The following FGL1 variants were observed in gnomAD, a reference collection of about 807,000 sequenced individuals.
The protein encoded by FGL1 is fibrinogen-like protein 1.
A neutral mutation model predicts 43.7 loss-of-function variants in FGL1; 59 were observed. The observed-to-expected ratio is 1.35, with a 90% CI of 1.10 to 1.68. The LOEUF (loss-of-function observed/expected upper bound fraction) is 1.68, where lower values mean the gene tolerates loss of function less well. Ranked by LOEUF, FGL1 falls within the 40% of genes most tolerant of loss-of-function variation. FGL1 has a pLI of 0.00. For synonymous variants in FGL1, 192 were observed against 126.5 expected (o/e 1.52, Z -3.48); for missense variants, 596 against 373.0 (o/e 1.60, Z -4.92).
At chr8:17,891,882 G>C in intron 1 of FGL1, 2 of 683,052 alleles carry the variant, frequency 2.9e-6, no homozygotes, top group Non-Finnish European at 3.6e-6. Flanking sequence ...TTGCAAATAT[G>C]TCATGTCAAT....
intron 1 of FGL1, among the ~76,000 whole-genome samples, chr8:17,893,728 T>G (rs2053739066): frequency 6.8e-6 from 1 of 147,046 alleles, no homozygotes; most frequent in South Asian, 2.1e-4. Context: ...TTTTCCTCCT[T>G]TGCAATTCTA....
rs145238244 is a variant in FGL1, at chr8:17,882,103, T to A, written c.140A>T (p.Gln47Leu). The change falls in exon 3 of 8, where the codon CAA becomes CTA. Residue 47 changes from glutamine to leucine, a missense_variant. Coordinates refer to ENST00000427924, the MANE Select transcript of FGL1 (RefSeq NM_004467.4). The stretch of plus-strand genomic sequence containing the variant: ...CAAAAGCTGCTTGATCTTGACCTGT[T>A]GCTGTTTGACCCGGGTCTCAAGCAG... Reference protein sequence around the residue: ...VRLLETRVKQQQVKIKQLLQE... With the variant: ...VRLLETRVKQLQVKIKQLLQE... 3.7e-6 allele frequency: 6 copies of A among 1,613,952 alleles called. No homozygotes were observed. Among genetic ancestry groups the A allele is most frequent in the Non-Finnish European group, 5.1e-6 (6 of 1,180,002 alleles).
At position 17,874,419 on chromosome 8, in the gene FGL1, T is replaced by A. The variant is rs753111282; in HGVS notation, c.347A>T (p.Asp116Val). The stretch of plus-strand genomic sequence containing the variant: ...CTGAATTACAGTCCATCCTCCTCCA[T>A]CGGACATGTCACAATAAACAGAAAA... ...AEFSVYCDMS[D>V]GGGWTVIQRR... The change falls in exon 4 of 8, where the codon GAT (aspartate) becomes GTT (valine). Residue 116 changes from aspartate to valine, a missense_variant. Coordinates refer to ENST00000427924, the MANE Select transcript of FGL1 (RefSeq NM_004467.4). 1 of 1,614,132 alleles carries A rather than the reference T, an allele frequency of 6.2e-7. No individual in the cohort carries two copies. The highest frequency in any genetic ancestry group is 8.5e-7 in the Non-Finnish European group (1 of 1,179,986).
At position 17,864,680 on chromosome 8, in the gene FGL1, A is replaced by C; in HGVS notation, c.851T>G (p.Val284Gly). 6.2e-7 allele frequency: 1 copy of C among 1,613,734 alleles called. No individual in the cohort carries two copies. Among genetic ancestry groups the C allele is most frequent in the Non-Finnish European group, 8.5e-7 (1 of 1,179,920 alleles). ...PYTAKTDNGI[V>G]WYTWHGWWYS... ...CCACCACCCATGCCAGGTGTACCAG[A>C]CAATCCCATTGTCTGTTTTAGCCGT... is the stretch of plus-strand genomic sequence containing the variant. The change falls in exon 8 of 8, where the codon GTC becomes GGC. Residue 284 changes from valine to glycine, a missense_variant. Val to Gly is a moderately radical substitution (Grantham distance 109). Coordinates refer to ENST00000427924, the MANE Select transcript of FGL1 (RefSeq NM_004467.4).
chr8:17,894,317 C>T (rs117062312), intron 1 of FGL1, among the ~76,000 whole-genome samples: 3,242 of 147,002 alleles, frequency 0.022, 197 homozygotes, highest in South Asian at 0.045. Context: ...GACTATAATG[C>T]TTAGGACTAT....
chr8:17,883,210 T>C (rs1391352025), intron 2 of FGL1, among the ~76,000 whole-genome samples: 1 of 39,076 alleles, frequency 2.6e-5, no homozygotes, highest in Non-Finnish European at 4.3e-5. Context: ...TTAAATAATA[T>C]ATAATATATA....
chr8:17,885,648 TC>T, intron 1 of FGL1, 77 bp from the exon 2 acceptor site: 2 of 1,244,444 alleles, frequency 1.6e-6, no homozygotes, highest in Admixed American at 4.0e-5. Context: ...CTTCAGTAGC[TC>T]CAGGAAGTCG....
intron 5 of FGL1, among the ~76,000 whole-genome samples, chr8:17,869,877 A>T (rs1439394848): frequency 1.3e-5 from 2 of 152,170 alleles, no homozygotes; most frequent in Non-Finnish European, 2.9e-5. Flanking sequence ...TGGGAGGCCG[A>T]GGCGGGCGGA....
At position 17,874,503 on chromosome 8, in the gene FGL1, T is replaced by C. The variant is rs759685653; in HGVS notation, c.263A>G (p.Asn88Ser). The change falls in exon 4 of 8, where the codon AAT becomes AGT. Residue 88 changes from asparagine to serine, a missense_variant. Asn to Ser is a conservative substitution (Grantham distance 46). Transcript: ENST00000427924. ...AAATCCACTGAGCTTATACCCATCA[T>C]TGAAAATCTCTGAACAATCTGTTTT... ...RQYADCSEIFNDGYKLSGFYK... is the reference protein window; with the variant it reads ...RQYADCSEIFSDGYKLSGFYK... The C allele has an allele frequency of 1.2e-6, 2 of 1,607,110 alleles. No individual in the cohort carries two copies. Among genetic ancestry groups the C allele is most frequent in the African/African-American group, 1.3e-5 (1 of 74,630 alleles).
At chr8:17,872,738 A>G (rs2053382951) in intron 5 of FGL1, among the ~76,000 whole-genome samples, 1 of 152,216 alleles carries the variant, frequency 6.6e-6, no homozygotes. Flanking sequence ...AGGGAAGACA[A>G]TGGATTGGAG....
chr8:17,873,083 A>G (rs1490617965), intron 5 of FGL1, among the ~76,000 whole-genome samples: 1 of 152,170 alleles, frequency 6.6e-6, no homozygotes, highest in South Asian at 2.1e-4. Context: ...TTCATATATT[A>G]TAGTGTTTTA....
At chr8:17,864,772 AAAG>A (rs1183118473) in intron 7 of FGL1, 21 bp from the exon 8 acceptor site, 5 of 1,435,996 alleles carry the variant, frequency 3.5e-6, no homozygotes, top group Middle Eastern at 1.9e-4. Context: ...GGAGAAAAAA[AAAG>A]AAAACAACAA....
intron 1 of FGL1, among the ~76,000 whole-genome samples, chr8:17,889,185 C>G (rs35410008): frequency 6.6e-6 from 1 of 152,094 alleles, no homozygotes; most frequent in Non-Finnish European, 1.5e-5. Context: ...CCAAGTCTAA[C>G]GTGGATTGGA....
intron 3 of FGL1, among the ~76,000 whole-genome samples, chr8:17,877,464 A>G (rs1321668825): frequency 6.6e-6 from 1 of 152,172 alleles, no homozygotes; most frequent in Non-Finnish European, 1.5e-5. Context: ...TGGCTGAGGC[A>G]CAAAGCTGAG....
chr8:17,876,558 A>T (rs1265538918), intron 3 of FGL1, among the ~76,000 whole-genome samples: 4 of 152,234 alleles, frequency 2.6e-5, no homozygotes, highest in Non-Finnish European at 4.4e-5. Flanking sequence ...TTAAACAAGA[A>T]GCAAAACAAT....
At chr8:17,867,175 G>A (rs1439252976) in intron 7 of FGL1, among the ~76,000 whole-genome samples, 1 of 152,188 alleles carries the variant, frequency 6.6e-6, no homozygotes, top group East Asian at 1.9e-4. Context: ...GTGGATGCCT[G>A]AAACTACAGA....
At chr8:17,871,173 C>T (rs190033948) in intron 5 of FGL1, among the ~76,000 whole-genome samples, 1 of 152,008 alleles carries the variant, frequency 6.6e-6, no homozygotes, top group Non-Finnish European at 1.5e-5. Flanking sequence ...AGCAGCAAGG[C>T]AGGCTAAGTC....
chr8:17,895,434 TTAAA>T lies in FGL1; in HGVS notation c.-18+9_-18+12del. 2 of 1,283,430 alleles carry T rather than the reference TTAAA, an allele frequency of 1.6e-6. No individual in the cohort carries two copies. Among genetic ancestry groups the T allele is most frequent in the Non-Finnish European group, 2.0e-6 (2 of 984,564 alleles). 79.5% of individuals were successfully genotyped at this position (1,283,430 alleles called of 1,614,324 possible). On this transcript the variant is annotated intron_variant, in intron 1 of 7. Coordinates refer to ENST00000427924, the MANE Select transcript of FGL1 (RefSeq NM_004467.4). ...CAAGCATGTCAAAAATGCAGAGACA[TTAAA>T]TAACTTGCCTAAAGTCAGAAGTGAG...
At chr8:17,879,443 G>T (rs2517314) in intron 3 of FGL1, among the ~76,000 whole-genome samples, 110,992 of 151,928 alleles carry the variant, frequency 0.73, 41,052 homozygotes, top group Non-Finnish European at 0.79. Context: ...TTCCCAGTGT[G>T]GGAGGGAAGG....
Sources: allele counts gnomAD v4.1 joint callset (sites outside exome capture counted in the v4.1 genomes callset), GRCh38; gene constraint gnomAD v4.1.1; transcripts MANE v1.5; gene names NCBI Gene and HGNC (gene_info 2026-07-23, HGNC 2026-07-21).